Variants in CHN1 observed in about 807,000 individuals in gnomAD.
The protein encoded by CHN1 is chimerin 1.
A neutral mutation model predicts 59.5 loss-of-function variants in CHN1; 37 were observed. The observed-to-expected ratio is 0.62, with a 90% CI of 0.48 to 0.82. The LOEUF is 0.82. Among genes scored for constraint, CHN1 ranks in the 40% least tolerant of loss-of-function variants. The pLI is 0.00. For synonymous variants in CHN1, 206 were observed against 200.4 expected (o/e 1.03, Z -0.24); for missense variants, 469 against 571.0 (o/e 0.82, Z 1.82).
chr2:174,821,014 C>G (rs1466732116), intron 8 of CHN1, among the ~76,000 whole-genome samples: 2 of 152,184 alleles, frequency 1.3e-5, no homozygotes, highest in African/African-American at 4.8e-5. Flanking sequence ...TCTTTTCTGA[C>G]AGCCCACCAT....
chr2:174,813,230 A>G (rs145237517), intron 8 of CHN1, among the ~76,000 whole-genome samples: 3 of 152,394 alleles, frequency 2.0e-5, no homozygotes, highest in Non-Finnish European at 2.9e-5. Flanking sequence ...ACAGTGGAAC[A>G]GAACTCAAGC....
At chr2:174,847,586 A>C in intron 6 of CHN1, 1 of 1,297,718 alleles carries the variant, frequency 7.7e-7, no homozygotes, top group Non-Finnish European at 1.0e-6. Flanking sequence ...CACCCTATGA[A>C]GCCCCTAGCA....
chr2:174,820,597 T>G (rs1685451161), intron 8 of CHN1, among the ~76,000 whole-genome samples: 1 of 152,218 alleles, frequency 6.6e-6, no homozygotes, highest in African/African-American at 2.4e-5. Context: ...TTGCAATGCC[T>G]GCAATGTCAC....
At chr2:174,812,261 A>G (rs1197037943) in intron 9 of CHN1, 48 bp downstream of exon 9, 2 of 1,533,078 alleles carry the variant, frequency 1.3e-6, no homozygotes, top group Admixed American at 3.6e-5. Flanking sequence ...CAGGATTGGT[A>G]CTGGTAGTGA....
At chr2:174,812,018 A>T in intron 9 of CHN1, 1 of 298,528 alleles carries the variant, frequency 3.3e-6, no homozygotes, top group Non-Finnish European at 6.1e-6. Context: ...AAATTTAAAA[A>T]CTGAAAAATG....
intron 1 of CHN1, among the ~76,000 whole-genome samples, chr2:175,001,625 G>C (rs1691890986): frequency 6.6e-6 from 1 of 152,240 alleles, no homozygotes; most frequent in Admixed American, 6.5e-5. Context: ...CAAGGAGGGT[G>C]AGCAGCAACG....
intron 1 of CHN1, among the ~76,000 whole-genome samples, chr2:174,952,703 G>A (rs532248097): frequency 3.9e-5 from 6 of 152,302 alleles, no homozygotes; most frequent in Non-Finnish European, 1.5e-5. Context: ...GAACAGCAAG[G>A]TTCAGATCTC....
chr2:174,939,206 T>C (rs901277492), intron 3 of CHN1, among the ~76,000 whole-genome samples: 1 of 152,216 alleles, frequency 6.6e-6, no homozygotes, highest in Admixed American at 6.5e-5. Flanking sequence ...AGTATATTAT[T>C]CTATCTTGTG....
chr2:174,843,974 CTGTG>C (rs34733435), intron 7 of CHN1, among the ~76,000 whole-genome samples: 5 of 149,964 alleles, frequency 3.3e-5, no homozygotes, highest in Non-Finnish European at 5.9e-5. Flanking sequence ...CTCTCTTTCT[CTGTG>C]TGTGTGTGTG....
At chr2:174,815,278 TGTG>T (rs1392435802) in intron 8 of CHN1, among the ~76,000 whole-genome samples, 1 of 152,098 alleles carries the variant, frequency 6.6e-6, no homozygotes, top group Non-Finnish European at 1.5e-5. Context: ...TCAGCGGGCT[TGTG>T]GTGGGAGGAT....
chr2:174,883,518 TC>T (rs1484169865), intron 5 of CHN1, among the ~76,000 whole-genome samples: 3 of 152,138 alleles, frequency 2.0e-5, no homozygotes, highest in African/African-American at 7.2e-5. Context: ...GAGACCATCA[TC>T]CTATAATTGT....
At chr2:174,952,904 C>G (rs868240112) in intron 1 of CHN1, among the ~76,000 whole-genome samples, 1 of 152,178 alleles carries the variant, frequency 6.6e-6, no homozygotes, top group Non-Finnish European at 1.5e-5. Flanking sequence ...AATACAAACA[C>G]ATGACGGACG....
At chr2:174,808,314 G>C (rs534490917) in intron 11 of CHN1, among the ~76,000 whole-genome samples, 1 of 152,134 alleles carries the variant, frequency 6.6e-6, no homozygotes, top group African/African-American at 2.4e-5. Flanking sequence ...ACGTAGTTTT[G>C]CTCTTGTTGC....
At chr2:174,829,155 T>C (rs1685788046) in intron 7 of CHN1, among the ~76,000 whole-genome samples, 1 of 152,240 alleles carries the variant, frequency 6.6e-6, no homozygotes. Context: ...TTTATTACCA[T>C]GACATTTGTG....
chr2:174,851,908 A>C (rs1312299497), intron 6 of CHN1, among the ~76,000 whole-genome samples: 1 of 152,224 alleles, frequency 6.6e-6, no homozygotes, highest in Non-Finnish European at 1.5e-5. Flanking sequence ...CGAAGGTTTC[A>C]GTTTACAAAA....
chr2:174,834,222 C>G (rs1346647918), intron 7 of CHN1, among the ~76,000 whole-genome samples: 4 of 152,190 alleles, frequency 2.6e-5, no homozygotes, highest in African/African-American at 9.6e-5. Context: ...CTCTACATTA[C>G]TGTTGTCATA....
chr2:174,970,573 T>C (rs1165266138), intron 1 of CHN1, among the ~76,000 whole-genome samples: 7 of 152,194 alleles, frequency 4.6e-5, no homozygotes, highest in Non-Finnish European at 1.0e-4. Flanking sequence ...CTAAGATATA[T>C]TGCATAATGA....
rs1370591631 is a variant in CHN1 at position 175,005,060 on chromosome 2, A to T, written c.-148T>A. ...GGGCGCCGGCGCCCGGGGAGGCTGC[A>T]GGCCGGGACGCGGGGGACCGCTGCA... On this transcript the variant is annotated 5_prime_UTR_variant, in exon 1 of 13. Coordinates refer to ENST00000409900, the MANE Select transcript of CHN1 (RefSeq NM_001822.7). 4 of 1,347,324 alleles carry T rather than the reference A, an allele frequency of 3.0e-6. No homozygotes were observed. The highest frequency in any genetic ancestry group is 3.8e-6 in the Non-Finnish European group (4 of 1,045,816). The allele number at this position is 1,347,324 out of a possible 1,614,324, so 83.5% of individuals were successfully genotyped here.
chr2:174,866,514 G>C (rs1687220903), intron 6 of CHN1, among the ~76,000 whole-genome samples: 2 of 152,264 alleles, frequency 1.3e-5, no homozygotes, highest in South Asian at 4.1e-4. Flanking sequence ...ATTAGTTAGG[G>C]AAAGGCATTT....
Sources: gnomAD v4.1 joint callset for allele counts (sites outside exome capture counted in the v4.1 genomes callset) on GRCh38, gnomAD v4.1.1 for gene constraint, MANE v1.5 for transcripts, NCBI Gene and HGNC (gene_info 2026-07-23, HGNC 2026-07-21) for gene names.